SFRP4: variants seen among roughly 807,000 people sequenced by gnomAD.
The protein encoded by SFRP4 is secreted frizzled related protein 4.
In SFRP4, 25 loss-of-function variants were observed where a neutral mutation model predicts 36.3. The observed-to-expected ratio is 0.69, with a 90% CI of 0.50 to 0.96. The LOEUF (loss-of-function observed/expected upper bound fraction) is 0.96, where lower values mean the gene tolerates loss of function less well. SFRP4 is among the 40% of genes least tolerant of loss of function. SFRP4 has a pLI of 0.00. For synonymous variants in SFRP4, 182 were observed against 168.8 expected (o/e 1.08, Z -0.60); for missense variants, 487 against 459.6 (o/e 1.06, Z -0.54).
intron 3 of SFRP4, among the ~76,000 whole-genome samples, chr7:37,913,223 A>G (rs1785522446): frequency 6.6e-6 from 1 of 152,256 alleles, no homozygotes; most frequent in African/African-American, 2.4e-5. Context: ...TTGTTGCTGA[A>G]TTACCCCCAT....
At chr7:37,911,303 G>T (rs1037958331) in intron 4 of SFRP4, among the ~76,000 whole-genome samples, 1 of 152,176 alleles carries the variant, frequency 6.6e-6, no homozygotes, top group Admixed American at 6.5e-5. Flanking sequence ...TCTTTTCAGA[G>T]GAATAGTCTT....
At chr7:37,914,525 C>A in intron 1 of SFRP4, 72 bp from the exon 2 acceptor site, 2 of 1,055,122 alleles carry the variant, frequency 1.9e-6, no homozygotes, top group South Asian at 1.3e-5. Flanking sequence ...ATAAAGAGCC[C>A]TCTGAAGATA....
Position 37,916,439 on chromosome 7 carries a change from C to T in SFRP4, c.99G>A (p.Arg33=), listed in dbSNP as rs201842328. 32 of 1,613,996 alleles carry T rather than the reference C, an allele frequency of 2.0e-5. No individual in the cohort carries two copies. The highest frequency in any genetic ancestry group is 8.9e-5 in the East Asian group (4 of 44,872). Residue 33 remains arginine (R), a synonymous_variant, in exon 1 of 6, where the codon CGG becomes CGA. Transcript: ENST00000436072. The surrounding 1 kb of genome is among the most constrained non-coding windows in gnomAD (Gnocchi z 4.1). ...TCCGCGTGATGTTCCAGGGCATGTG[C>T]CGGCACATAGGGATGCGCACCGCCT... The part of the protein sequence containing the change: ...PCEAVRIPMC[R]HMPWNITRMP...
chr7:37,908,765 G>A (rs1785436787), intron 5 of SFRP4, among the ~76,000 whole-genome samples: 1 of 152,174 alleles, frequency 6.6e-6, no homozygotes, highest in African/African-American at 2.4e-5. Context: ...AGCAGCTCAT[G>A]AGTTTTTAGC....
intron 4 of SFRP4, among the ~76,000 whole-genome samples, chr7:37,910,427 AT>A (rs1046845017): frequency 6.6e-6 from 1 of 151,744 alleles, no homozygotes; most frequent in Admixed American, 6.6e-5. Flanking sequence ...TAAGATTACT[AT>A]TTTTTCATAT....
chr7:37,914,251 G>A lies in SFRP4; in HGVS notation c.554C>T (p.Pro185Leu). 2 of 1,614,126 alleles carry A rather than the reference G, an allele frequency of 1.2e-6. No homozygotes were observed. Among genetic ancestry groups the A allele is most frequent in the Admixed American group, 1.7e-5 (1 of 60,032 alleles). Residue 185 changes from proline (P) to leucine (L), a missense_variant, in exon 3 of 6, where the codon CCA becomes CTA. By Grantham distance (98) the Pro-to-Leu change is moderately conservative. Coordinates refer to ENST00000436072, the MANE Select transcript of SFRP4 (RefSeq NM_003014.4). ...TTTGCTGAGATACGTTGCCAAAGTT[G>A]GCTTCACCTTTTTACACTTGCACCG... ...PDRCKCKKVK[P>L]TLATYLSKNY...
Position 37,907,095 on chromosome 7 carries a change from T to A in SFRP4, c.*384A>T, listed in dbSNP as rs890882072. 1.3e-5 allele frequency: 2 copies of A among 158,238 alleles called. No homozygotes were observed. The highest frequency in any genetic ancestry group is 4.8e-5 in the African/African-American group (2 of 41,636). 9.8% of individuals were successfully genotyped at this position (158,238 alleles called of 1,614,324 possible). Reference sequence around the variant, plus strand: ...ACAGATATCAAAAGGTAATAAAACATACTGTAAAAAAATTACGTGTTTTGT... The same window carrying A: ...ACAGATATCAAAAGGTAATAAAACAAACTGTAAAAAAATTACGTGTTTTGT... On this transcript the variant is annotated 3_prime_UTR_variant, in exon 6 of 6. Coordinates refer to ENST00000436072, the MANE Select transcript of SFRP4 (RefSeq NM_003014.4).
chr7:37,916,577 G>A lies in SFRP4; in HGVS notation c.-40C>T. The A allele has an allele frequency of 1.3e-6, 2 of 1,581,964 alleles. No homozygotes were observed. The highest frequency in any genetic ancestry group is 1.7e-6 in the Non-Finnish European group (2 of 1,166,724). ...GCGCTGCGACCCCGGCAGACAGAAA[G>A]CGCCCTTCTCTTCCTGCCACCCTCA... On this transcript the variant is annotated 5_prime_UTR_variant, in exon 1 of 6. Transcript: ENST00000436072. This position sits in a 1 kb window ranked among gnomAD's most constrained non-coding sequence, Gnocchi z 4.1.
At chr7:37,907,769 C>T (rs552384393) in intron 5 of SFRP4, 105 bp from the exon 6 acceptor site, 41 of 768,600 alleles carry the variant, frequency 5.3e-5, no homozygotes, top group South Asian at 5.3e-4. Context: ...ATATTAATGA[C>T]GGTAACAATT....
intron 3 of SFRP4, among the ~76,000 whole-genome samples, chr7:37,913,013 G>C (rs747206491): frequency 1.3e-5 from 2 of 152,090 alleles, no homozygotes; most frequent in East Asian, 3.9e-4. Context: ...GACACCAAAG[G>C]ACTTGAATAC....
In SFRP4 at chr7:37,916,598, C is replaced by T; in HGVS notation, c.-61G>A. 6.5e-7 allele frequency: 1 copy of T among 1,550,354 alleles called. No homozygotes were observed. ...GAAAGCGCCCTTCTCTTCCTGCCAC[C>T]CTCATCTTTCGCTGTCCCTTCGCCG... On this transcript the variant is annotated 5_prime_UTR_variant, in exon 1 of 6. Transcript: ENST00000436072. This position sits in a 1 kb window ranked among gnomAD's most constrained non-coding sequence, Gnocchi z 4.1.
intron 4 of SFRP4, among the ~76,000 whole-genome samples, chr7:37,910,701 T>A (rs958321684): frequency 1.3e-5 from 2 of 152,190 alleles, no homozygotes; most frequent in Non-Finnish European, 2.9e-5. Context: ...GTGAAAAGAA[T>A]GTATTTTTTT....
At chr7:37,909,043 T>C (rs990668756) in intron 5 of SFRP4, among the ~76,000 whole-genome samples, 3 of 152,150 alleles carry the variant, frequency 2.0e-5, no homozygotes, top group African/African-American at 7.2e-5. Flanking sequence ...TGTCTTTAGA[T>C]TGGTATAATT....
intron 3 of SFRP4, 49 bp from the exon 4 acceptor site, chr7:37,912,366 A>G (rs757118353): frequency 6.8e-7 from 1 of 1,473,836 alleles, no homozygotes; most frequent in Non-Finnish European, 9.5e-7. Context: ...TTGGGGAAAA[A>G]CTAGGGATGG....
Position 37,907,624 on chromosome 7 carries a change from T to TCAG in SFRP4, c.895_896insCTG (p.Gln299delinsProGlu). 6.2e-7 allele frequency: 1 copy of TCAG among 1,613,730 alleles called. No individual in the cohort carries two copies. Among genetic ancestry groups the TCAG allele is most frequent in the Non-Finnish European group, 8.5e-7 (1 of 1,179,864 alleles). On this transcript the variant is annotated protein_altering_variant, in exon 6 of 6. Transcript: ENST00000436072. ...GCGCCCGGCTGTTTTCTTCTTGTCCTGAACTGTTCTCCGCTGTTCCTGCAG... is the reference window on the plus strand; with the variant it reads ...GCGCCCGGCTGTTTTCTTCTTGTCCTCAGGAACTGTTCTCCGCTGTTCCTGCAG...
chr7:37,912,381 T>C, intron 3 of SFRP4, 64 bp from the exon 4 acceptor site: 2 of 1,302,386 alleles, frequency 1.5e-6, no homozygotes, highest in Non-Finnish European at 1.1e-6. Context: ...GGATGGTGTA[T>C]TCATGCCAAC....
Position 37,916,453 on chromosome 7 carries a change from TGCGCACCGCCTCGCAGG to T in SFRP4, c.68_84del (p.Pro23HisfsTer104). On this transcript the variant is annotated frameshift_variant, in exon 1 of 6. Transcript: ENST00000436072. LOFTEE classifies it high-confidence loss of function. This position sits in a 1 kb window ranked among gnomAD's most constrained non-coding sequence, Gnocchi z 4.1. ...CAGGGCATGTGCCGGCACATAGGGA[TGCGCACCGCCTCGCAGG>T]GCGCGCCGCGCACGCCCAGCGCCAG... 3 of 1,613,630 alleles carry T rather than the reference TGCGCACCGCCTCGCAGG, an allele frequency of 1.9e-6. No individual in the cohort carries two copies. The highest frequency in any genetic ancestry group is 2.5e-6 in the Non-Finnish European group (3 of 1,179,734).
chr7:37,916,461 G>C lies in SFRP4; in HGVS notation c.77C>G (p.Ala26Gly), dbSNP rs1406922555. Residue 26 changes from alanine (A) to glycine (G), a missense_variant, in exon 1 of 6, where the codon GCG becomes GGG. By Grantham distance (60) the Ala-to-Gly change is moderately conservative (BLOSUM62 0). Transcript: ENST00000436072. This position sits in a 1 kb window ranked among gnomAD's most constrained non-coding sequence, Gnocchi z 4.1. ...ALGVRGAPCEAVRIPMCRHMP... is the reference protein window; with the variant it reads ...ALGVRGAPCEGVRIPMCRHMP... ...GTGCCGGCACATAGGGATGCGCACC[G>C]CCTCGCAGGGCGCGCCGCGCACGCC... is the stretch of plus-strand genomic sequence containing the variant. 2 of 1,613,190 alleles carry C rather than the reference G, an allele frequency of 1.2e-6. No homozygotes were observed. Among genetic ancestry groups the C allele is most frequent in the Middle Eastern group, 1.6e-4 (1 of 6,082 alleles).
chr7:37,913,714 A>AT (rs958154542), intron 3 of SFRP4, among the ~76,000 whole-genome samples: 9 of 152,196 alleles, frequency 5.9e-5, no homozygotes, highest in Non-Finnish European at 1.3e-4. Context: ...TGTGATTAAC[A>AT]TTTTTTTCAC....
Sources: gnomAD v4.1 joint callset for allele counts (sites outside exome capture counted in the v4.1 genomes callset) on GRCh38, gnomAD v4.1.1 for gene constraint, Gnocchi (gnomAD v3.1) non-coding constraint, MANE v1.5 for transcripts, NCBI Gene and HGNC (gene_info 2026-07-23, HGNC 2026-07-21) for gene names.